LHFPL2: variants seen among roughly 807,000 people sequenced by gnomAD.
LHFPL2 encodes LHFPL tetraspan subfamily member 2, also known as LHFPL tetraspan subfamily member 2 protein.
LHFPL2 carries 7 observed loss-of-function variants against 17.5 expected under a neutral mutation model. The observed-to-expected ratio is 0.40, with a 90% confidence interval of 0.23 to 0.75. The LOEUF (loss-of-function observed/expected upper bound fraction) is 0.75, where lower values mean the gene tolerates loss of function less well. Ranked by LOEUF, LHFPL2 falls within the 30% of genes least tolerant of loss-of-function variation. LHFPL2 has a pLI of 0.37. For missense variants in LHFPL2, 241 were observed against 294.8 expected, an observed-to-expected ratio of 0.82 and a Z score of 1.34; for synonymous variants, 134 against 116.2, an observed-to-expected ratio of 1.15 and a Z score of -0.99.
intron 4 of LHFPL2, among the ~76,000 whole-genome samples, chr5:78,497,458 T>C (rs1363471782): frequency 6.6e-6 from 1 of 152,212 alleles, no homozygotes; most frequent in Non-Finnish European, 1.5e-5. Flanking sequence ...TTATCTTATT[T>C]ATTGTCTACC....
chr5:78,644,336 C>T (rs779159578), intron 1 of LHFPL2: 21 of 1,239,538 alleles, frequency 1.7e-5, no homozygotes, highest in Non-Finnish European at 2.2e-5. Flanking sequence ...TGACAACTCA[C>T]TTTTTTGCTG....
intron 2 of LHFPL2, among the ~76,000 whole-genome samples, chr5:78,607,491 T>C (rs1371229917): frequency 2.6e-5 from 4 of 152,208 alleles, no homozygotes. Flanking sequence ...TAAGTTATGA[T>C]CTAATTACAA....
At chr5:78,553,075 C>T (rs1215256705) in intron 3 of LHFPL2, among the ~76,000 whole-genome samples, 1 of 152,210 alleles carries the variant, frequency 6.6e-6, no homozygotes, top group Non-Finnish European at 1.5e-5. Flanking sequence ...TTTGGACATT[C>T]GTGTGGAAGA....
intron 4 of LHFPL2, among the ~76,000 whole-genome samples, chr5:78,507,938 GCATA>G (rs1278105615): frequency 1.3e-5 from 1 of 74,838 alleles, no homozygotes; most frequent in South Asian, 4.7e-4. Flanking sequence ...ATATACACAT[GCATA>G]CACACACACA....
At position 78,638,803 on chromosome 5, in the gene LHFPL2, G is replaced by C. The variant is rs1240129861; in HGVS notation, c.-349-6435C>G. ...CAGAGGGAAGGCTGACAAGACAGAC[G>C]ACCAGGTCAGAATTCAAAACTATCT... is the stretch of plus-strand genomic sequence containing the variant. On this transcript the variant is annotated intron_variant, in intron 1 of 4. Transcript: ENST00000380345. 3.9e-5 allele frequency among the ~76,000 whole-genome samples: 6 copies of C among 152,236 alleles called. No homozygotes were observed. The South Asian group carries it at 1.2e-3, about 32-fold the overall frequency.
chr5:78,567,609 A>T (rs187586541), intron 2 of LHFPL2, among the ~76,000 whole-genome samples: 1 of 152,282 alleles, frequency 6.6e-6, no homozygotes, highest in East Asian at 1.9e-4. Flanking sequence ...AATTTTTGTG[A>T]ATTAACTCAT....
At chr5:78,644,697 G>C in intron 1 of LHFPL2, 1 of 278,636 alleles carries the variant, frequency 3.6e-6, no homozygotes, top group South Asian at 4.9e-5. Flanking sequence ...TAGCAGACAT[G>C]GTCTTGCACC....
intron 4 of LHFPL2, among the ~76,000 whole-genome samples, chr5:78,492,324 A>G (rs1040235514): frequency 6.6e-6 from 1 of 152,290 alleles, no homozygotes; most frequent in East Asian, 1.9e-4. Flanking sequence ...CTTGTATTAT[A>G]TGTGCACTTT....
intron 1 of LHFPL2, chr5:78,644,251 CTG>C (rs1267546972): frequency 6.9e-6 from 5 of 722,072 alleles, no homozygotes; most frequent in African/African-American, 3.6e-5. Flanking sequence ...GAAAAAAAAA[CTG>C]TGCTAGAACC....
intron 2 of LHFPL2, among the ~76,000 whole-genome samples, chr5:78,619,959 T>C (rs1744784768): frequency 1.0e-5 from 1 of 97,228 alleles, no homozygotes; most frequent in African/African-American, 4.1e-5. Context: ...AGTGCCGCAA[T>C]AAACATACGT....
chr5:78,488,702 T>C lies in LHFPL2; in HGVS notation c.*195A>G, dbSNP rs1041589624. 6.5e-6 allele frequency: 4 copies of C among 617,262 alleles called. No homozygotes were observed. Among genetic ancestry groups the C allele is most frequent in the Non-Finnish European group, 1.1e-5 (4 of 350,414 alleles). 38.2% of individuals were successfully genotyped at this position (617,262 alleles called of 1,614,324 possible). A position where few individuals can be genotyped will look rare whatever the true frequency, so the allele number is the denominator to read the frequency against. On this transcript the variant is annotated 3_prime_UTR_variant, in exon 5 of 5. Coordinates refer to ENST00000380345, the MANE Select transcript of LHFPL2 (RefSeq NM_005779.3). ...TACTATTTTCATGTTCCATTCCTTATAATGTGCACTGCAGACCGCATGTCC... is the reference window on the plus strand; with the variant it reads ...TACTATTTTCATGTTCCATTCCTTACAATGTGCACTGCAGACCGCATGTCC...
At chr5:78,534,119 A>C (rs1384093184) in intron 3 of LHFPL2, among the ~76,000 whole-genome samples, 1 of 152,190 alleles carries the variant, frequency 6.6e-6, no homozygotes, top group East Asian at 1.9e-4. Context: ...CTGCCCCAGG[A>C]GGGTACATGT....
intron 2 of LHFPL2, among the ~76,000 whole-genome samples, chr5:78,629,007 A>C (rs1745154741): frequency 6.6e-6 from 1 of 152,220 alleles, no homozygotes; most frequent in South Asian, 2.1e-4. Context: ...GCTCAATATA[A>C]GAATGATTTA....
chr5:78,492,706 G>A (rs1478592202), intron 4 of LHFPL2, among the ~76,000 whole-genome samples: 1 of 152,218 alleles, frequency 6.6e-6, no homozygotes, highest in African/African-American at 2.4e-5. Context: ...TCACATAAGA[G>A]TGCCATGCTT....
chr5:78,533,551 A>G (rs1031567844), intron 3 of LHFPL2, among the ~76,000 whole-genome samples: 16 of 152,214 alleles, frequency 1.1e-4, no homozygotes, highest in Non-Finnish European at 1.5e-5. Flanking sequence ...AGACAGAGGG[A>G]AAAACGCCCT....
At chr5:78,635,581 C>T (rs1486256144) in intron 1 of LHFPL2, among the ~76,000 whole-genome samples, 3 of 152,146 alleles carry the variant, frequency 2.0e-5, no homozygotes, top group African/African-American at 7.2e-5. Context: ...GGCGGGCGGA[C>T]CACGAGGTCA....
chr5:78,602,106 A>G (rs1320282046), intron 2 of LHFPL2, among the ~76,000 whole-genome samples: 2 of 152,192 alleles, frequency 1.3e-5, no homozygotes, highest in Non-Finnish European at 2.9e-5. Context: ...ATTTCCAGAA[A>G]AGGCAGAGTA....
intron 3 of LHFPL2, among the ~76,000 whole-genome samples, chr5:78,546,794 G>A (rs1242820224): frequency 6.6e-6 from 1 of 152,162 alleles, no homozygotes; most frequent in Non-Finnish European, 1.5e-5. Context: ...CTTTGCTTTT[G>A]GCTGCTTCCA....
At chr5:78,551,195 C>T (rs757668202) in intron 3 of LHFPL2, among the ~76,000 whole-genome samples, 10 of 152,048 alleles carry the variant, frequency 6.6e-5, no homozygotes, top group African/African-American at 7.2e-5. Context: ...CGGGGAATTC[C>T]GTGGGAAAAA....
Sources: allele counts gnomAD v4.1 joint callset (sites outside exome capture counted in the v4.1 genomes callset), GRCh38; gene constraint gnomAD v4.1.1; transcripts MANE v1.5; gene names NCBI Gene and HGNC (gene_info 2026-07-23, HGNC 2026-07-21).